The following MACROD2 variants were observed in gnomAD, a reference collection of about 807,000 sequenced individuals.
MACROD2 encodes ADP-ribose glycohydrolase MACROD2.
A neutral mutation model predicts 70.4 loss-of-function variants in MACROD2; 36 were observed. That is an observed-to-expected ratio of 0.51 (90% CI 0.39 to 0.68). MACROD2 has a LOEUF of 0.68. MACROD2 is among the 30% of genes least tolerant of loss of function. The pLI, the probability that MACROD2 is intolerant of heterozygous loss-of-function variation, is 0.00. For synonymous variants in MACROD2, 172 were observed against 178.8 expected (o/e 0.96, Z 0.30); for missense variants, 496 against 538.4 (o/e 0.92, Z 0.78).
intron 5 of MACROD2, among the ~76,000 whole-genome samples, chr20:14,942,295 A>G (rs2074396749): frequency 6.6e-6 from 1 of 152,164 alleles, no homozygotes; most frequent in Admixed American, 6.5e-5. Context: ...TTGTTAGGAC[A>G]TATATGTAAT....
intron 8 of MACROD2, among the ~76,000 whole-genome samples, chr20:15,661,678 C>T (rs1304314706): frequency 6.6e-6 from 1 of 152,160 alleles, no homozygotes; most frequent in Non-Finnish European, 1.5e-5. Flanking sequence ...ACCAGGGATG[C>T]TTCTAAGCAT....
At chr20:14,789,088 G>C (rs1377521817) in intron 5 of MACROD2, among the ~76,000 whole-genome samples, 1 of 151,732 alleles carries the variant, frequency 6.6e-6, no homozygotes, top group Non-Finnish European at 1.5e-5. Context: ...TTTTTAAAAG[G>C]TATCCTTGCT....
chr20:14,314,327 C>T (rs2082594343), intron 3 of MACROD2, among the ~76,000 whole-genome samples: 1 of 152,134 alleles, frequency 6.6e-6, no homozygotes, highest in Non-Finnish European at 1.5e-5. Flanking sequence ...AAAATCAATT[C>T]AGAGTACAGT....
intron 6 of MACROD2, among the ~76,000 whole-genome samples, chr20:15,352,240 C>G (rs534787696): frequency 6.6e-6 from 1 of 152,150 alleles, no homozygotes; most frequent in South Asian, 2.1e-4. Context: ...CATTATTTCT[C>G]CCTGTGTTTC....
chr20:15,871,876 A>G (rs1344375422), intron 9 of MACROD2, among the ~76,000 whole-genome samples: 2 of 152,196 alleles, frequency 1.3e-5, no homozygotes, highest in East Asian at 3.9e-4. Flanking sequence ...GAAATAGGAT[A>G]GATTCTATAT....
chr20:15,058,374 C>T (rs888642969), intron 5 of MACROD2, among the ~76,000 whole-genome samples: 3 of 152,146 alleles, frequency 2.0e-5, no homozygotes, highest in Non-Finnish European at 4.4e-5. Context: ...TATCTTGTCA[C>T]TCATTTTCTT....
intron 5 of MACROD2, among the ~76,000 whole-genome samples, chr20:14,762,836 A>G (rs762391610): frequency 5.3e-5 from 8 of 152,122 alleles, no homozygotes; most frequent in African/African-American, 9.7e-5. Flanking sequence ...AGGCTGAGGC[A>G]CAAAAACTGC....
At chr20:14,989,762 G>C (rs1030109957) in intron 5 of MACROD2, among the ~76,000 whole-genome samples, 6 of 152,028 alleles carry the variant, frequency 3.9e-5, no homozygotes, top group African/African-American at 1.4e-4. Flanking sequence ...TGCTATGTTG[G>C]GTCCGGTCCG....
In MACROD2 at chr20:15,531,577, A is replaced by G. The variant is rs372436785; in HGVS notation, c.645+31730A>G. Among the ~76,000 whole-genome samples, 43 of 152,298 alleles carry G rather than the reference A, an allele frequency of 2.8e-4. 2 individuals carry two copies. In the East Asian group the frequency reaches 6.4e-3, roughly 23 times the overall value. On this transcript the variant is annotated intron_variant, in intron 8 of 17. Coordinates refer to ENST00000684519, the MANE Select transcript of MACROD2 (RefSeq NM_001351661.2). Reference sequence around the variant, plus strand: ...AGTATAAACACACTTTTATTTCTGTACCACATTATTGATATTGTATTGATA... The same window carrying G: ...AGTATAAACACACTTTTATTTCTGTGCCACATTATTGATATTGTATTGATA...
chr20:14,160,867 G>A (rs767023397), intron 3 of MACROD2, among the ~76,000 whole-genome samples: 12 of 151,806 alleles, frequency 7.9e-5, no homozygotes, highest in Non-Finnish European at 1.6e-4. Flanking sequence ...AATTCAGAGG[G>A]TATGTGTGCA....
chr20:15,186,833 A>G (rs750360463), intron 5 of MACROD2, among the ~76,000 whole-genome samples: 2 of 152,184 alleles, frequency 1.3e-5, no homozygotes, highest in Non-Finnish European at 2.9e-5. Context: ...ATATCTTAGA[A>G]GTCTCATTTG....
At position 15,379,971 on chromosome 20, in the gene MACROD2, C is replaced by T. The variant is rs1446565577; in HGVS notation, c.541-51434C>T. ...CTCCTACTCCAGGATTCACCATACT[C>T]AAAGTAAATTGGAAAACAGATCTTG... On this transcript the variant is annotated intron_variant, in intron 6 of 17. Transcript: ENST00000684519. Among the ~76,000 whole-genome samples, 3 of 152,180 alleles carry T rather than the reference C, an allele frequency of 2.0e-5. No homozygotes were observed. The East Asian group carries it at 5.8e-4, about 29-fold the overall frequency.
intron 12 of MACROD2, among the ~76,000 whole-genome samples, chr20:15,947,219 T>A (rs149682198): frequency 6.6e-6 from 1 of 152,124 alleles, no homozygotes; most frequent in African/African-American, 2.4e-5. Context: ...CCTCTTTTAC[T>A]AATCCTCCTC....
At chr20:15,608,579 C>A (rs1436777883) in intron 8 of MACROD2, among the ~76,000 whole-genome samples, 2 of 152,184 alleles carry the variant, frequency 1.3e-5, no homozygotes, top group African/African-American at 4.8e-5. Context: ...CCCACAGAGG[C>A]AAGAATTGAT....
chr20:15,259,322 T>C (rs2077227823), intron 6 of MACROD2, among the ~76,000 whole-genome samples: 1 of 151,930 alleles, frequency 6.6e-6, no homozygotes, highest in Non-Finnish European at 1.5e-5. Context: ...CTTCTACAAA[T>C]GAGAAAATTT....
chr20:15,911,606 C>A (rs931913526), intron 10 of MACROD2, among the ~76,000 whole-genome samples: 1 of 152,070 alleles, frequency 6.6e-6, no homozygotes, highest in African/African-American at 2.4e-5. Flanking sequence ...GCAAGAAGCA[C>A]TGGTAGGTGA....
Position 15,949,874 on chromosome 20 carries a change from C to T in MACROD2, c.907+12330C>T, listed in dbSNP as rs139789165. Among the ~76,000 whole-genome samples, 16 of 152,080 alleles carry T rather than the reference C, an allele frequency of 1.1e-4. No homozygotes were observed. In the East Asian group the frequency reaches 1.9e-3, roughly 18 times the overall value. On this transcript the variant is annotated intron_variant, in intron 12 of 17. Coordinates refer to ENST00000684519, the MANE Select transcript of MACROD2 (RefSeq NM_001351661.2). Reference sequence around the variant, plus strand: ...CCTGATTCACTAGGACTAGAGAAACCCAAGATGTATACTTACCCAACCAAA... The same window carrying T: ...CCTGATTCACTAGGACTAGAGAAACTCAAGATGTATACTTACCCAACCAAA...
intron 15 of MACROD2, among the ~76,000 whole-genome samples, chr20:15,995,858 GGT>G (rs71192311): frequency 0.67 from 99,917 of 148,386 alleles, 33,961 homozygotes; most frequent in Non-Finnish European, 0.74. Flanking sequence ...ACAAATGTGA[GGT>G]GTGTGTGTGT....
chr20:15,689,087 G>A (rs11698491), intron 8 of MACROD2, among the ~76,000 whole-genome samples: 19,927 of 152,206 alleles, frequency 0.13, 1,662 homozygotes, highest in South Asian at 0.26. Context: ...GCAGATCACC[G>A]GAGGTCAGGA....
Sources: allele counts gnomAD v4.1 joint callset (sites outside exome capture counted in the v4.1 genomes callset), GRCh38; gene constraint gnomAD v4.1.1; transcripts MANE v1.5; gene names NCBI Gene and HGNC (gene_info 2026-07-23, HGNC 2026-07-21).